RSKR: variants seen among roughly 807,000 people sequenced by gnomAD.
RSKR encodes ribosomal protein S6 kinase related.
RSKR carries 44 observed loss-of-function variants against 56.8 expected under a neutral mutation model. That is an observed-to-expected ratio of 0.77 (90% CI 0.61 to 1.00). The LOEUF (loss-of-function observed/expected upper bound fraction) is 1.00. Ranked by LOEUF, RSKR falls within the 50% of genes least tolerant of loss-of-function variation. The pLI is 0.00. For synonymous variants in RSKR, 181 were observed against 188.0 expected, an observed-to-expected ratio of 0.96 and a Z score of 0.30; for missense variants, 510 against 506.9, an observed-to-expected ratio of 1.01 and a Z score of -0.06.
In RSKR at chr17:28,613,625, T is replaced by C. The variant is rs1358880247; in HGVS notation, c.139A>G (p.Thr47Ala). 1 of 1,614,092 alleles carries C rather than the reference T, an allele frequency of 6.2e-7. No individual in the cohort carries two copies. The highest frequency in any genetic ancestry group is 1.3e-5 in the African/African-American group (1 of 75,002). ...AGTTCTTCCAGATCTGACCTGATGG[T>C]TCCCAAACCTGTCCAGAGGCTCTTC... ...GWKSLWTGLGTIRSDLEELWE... is the reference protein window; with the variant it reads ...GWKSLWTGLGAIRSDLEELWE... Residue 47 changes from threonine to alanine, a missense_variant, in exon 2 of 12, where the codon ACC (threonine) becomes GCC (alanine). By Grantham distance (58) the Thr-to-Ala change is moderately conservative (BLOSUM62 0). Transcript: ENST00000301037.
chr17:28,612,932 TA>T, intron 4 of RSKR, 145 bp downstream of exon 4: 2 of 899,946 alleles, frequency 2.2e-6, no homozygotes, highest in South Asian at 2.9e-5. Context: ...TGAGAGCTGA[TA>T]CTTTTCCCAG....
rs778548511 is a variant in RSKR at position 28,611,201 on chromosome 17, T to G, written c.953A>C (p.His318Pro). ...DHVAMLASVT[H>P]SDSEIPASLN... ...AGAAGCTGGGATCTCAGAGTCACTG[T>G]GGGTCACACTTGCCAACATGGCCAC... The change falls in exon 11 of 12, where the codon CAC becomes CCC. Residue 318 changes from histidine to proline, a missense_variant. His to Pro is a moderately conservative substitution (Grantham distance 77). Transcript: ENST00000301037. The G allele has an allele frequency of 7.2e-6, 11 of 1,536,304 alleles. No individual in the cohort carries two copies. In the South Asian group the frequency reaches 1.3e-4, roughly 18 times the overall value.
rs777971562 is a variant in RSKR, at chr17:28,611,842, CTCTT to C, written c.694-51_694-48del. 8 of 1,613,728 alleles carry C rather than the reference CTCTT, an allele frequency of 5.0e-6. No homozygotes were observed. The East Asian group carries it at 1.8e-4, about 36-fold the overall frequency. ...GTAATTCTTCCTCTTCCTTTCAACT[CTCTT>C]TCATCATGTATACACCCCAGCTGAA... is the stretch of plus-strand genomic sequence containing the variant. On this transcript the variant is annotated intron_variant, in intron 7 of 11. Coordinates refer to ENST00000301037, the MANE Select transcript of RSKR (RefSeq NM_001174103.2).
At chr17:28,610,818 G>C in intron 11 of RSKR, 119 bp from the exon 12 acceptor site, 8 of 989,744 alleles carry the variant, frequency 8.1e-6, no homozygotes, top group Non-Finnish European at 1.2e-5. Flanking sequence ...GAACCCTGAA[G>C]AGTAGATGAT....
rs979387007 is a variant in RSKR, at chr17:28,609,994, A to C, written c.*484T>G. ...CTTCAACCCAGGAGACGGAGGTTGC[A>C]GTGAGCTGAGAACGCACCACTGCAC... is the stretch of plus-strand genomic sequence containing the variant. On this transcript the variant is annotated 3_prime_UTR_variant, in exon 12 of 12. Transcript: ENST00000301037. The C allele has an allele frequency of 6.5e-6, 1 of 154,286 alleles. No homozygotes were observed. The highest frequency in any genetic ancestry group is 1.4e-5 in the Non-Finnish European group (1 of 69,628). The allele number at this position is 154,286 out of a possible 1,614,324, so 9.6% of individuals were successfully genotyped here.
rs533240800 is a variant in RSKR, at chr17:28,608,100, C to T, written c.*2378G>A. 6.6e-6 allele frequency: 1 copy of T among 152,044 alleles called. No individual in the cohort carries two copies. The highest frequency in any genetic ancestry group is 6.6e-5 in the Admixed American group (1 of 15,260). The allele number at this position is 152,044 out of a possible 1,614,324, so 9.4% of individuals were successfully genotyped here. A position where few individuals can be genotyped will look rare whatever the true frequency, so the allele number is the denominator to read the frequency against. Reference sequence around the variant, plus strand: ...GGAAAATAAAAGTAGAAAAGGAAGACAGAACCAAGAACATGACTAGCATAC... The same window carrying T: ...GGAAAATAAAAGTAGAAAAGGAAGATAGAACCAAGAACATGACTAGCATAC... On this transcript the variant is annotated 3_prime_UTR_variant, in exon 12 of 12. Coordinates refer to ENST00000301037, the MANE Select transcript of RSKR (RefSeq NM_001174103.2).
chr17:28,612,773 G>T (rs1410537252), intron 4 of RSKR, 86 bp from the exon 5 acceptor site: 12 of 1,300,258 alleles, frequency 9.2e-6, no homozygotes, highest in Non-Finnish European at 1.2e-5. Context: ...ACCCAGATGT[G>T]CAGAGGGGGA....
chr17:28,611,963 A>T, intron 7 of RSKR, 81 bp downstream of exon 7: 1 of 1,613,908 alleles, frequency 6.2e-7, no homozygotes, highest in South Asian at 1.1e-5. Flanking sequence ...TACAGTTCTC[A>T]GCTCCCTAAC....
intron 6 of RSKR, 74 bp downstream of exon 6, chr17:28,612,188 A>G (rs2070825347): frequency 6.3e-7 from 1 of 1,584,290 alleles, no homozygotes; most frequent in South Asian, 1.1e-5. Context: ...TCCATTATTA[A>G]TATTAATTTT....
In RSKR at chr17:28,612,054, C is replaced by T. The variant is rs148371262; in HGVS notation, c.683G>A (p.Arg228Gln). ...AGCACTTAACTCTACCTTCACATCT[C>T]GATGCATGATGCCCAAGTCATGGAG... is the stretch of plus-strand genomic sequence containing the variant. ...CYLHDLGIMH[R>Q]DVKMENILLD... Residue 228 changes from arginine to glutamine, a missense_variant, in exon 7 of 12, where the codon CGA (arginine) becomes CAA (glutamine). Transcript: ENST00000301037. 138 of 1,614,070 alleles carry T rather than the reference C, an allele frequency of 8.5e-5. 1 individual carries two copies. The highest frequency in any genetic ancestry group is 3.4e-4 in the South Asian group (31 of 91,082).
Position 28,610,718 on chromosome 17 carries a change from T to C in RSKR, c.1012-19A>G. 6.5e-7 allele frequency: 1 copy of C among 1,533,916 alleles called. No homozygotes were observed. Among genetic ancestry groups the C allele is most frequent in the Non-Finnish European group, 8.7e-7 (1 of 1,145,200 alleles). On this transcript the variant is annotated intron_variant, in intron 11 of 11. Coordinates refer to ENST00000301037, the MANE Select transcript of RSKR (RefSeq NM_001174103.2). ...ATAAGAGCTGAAGGAAAATAGAGCA[T>C]GAAGGATGAGTGACTAGGACAGGAC... is the stretch of plus-strand genomic sequence containing the variant.
In RSKR at chr17:28,613,157, A is replaced by G. The variant is rs893577794; in HGVS notation, c.409-11T>C. 2 of 1,613,696 alleles carry G rather than the reference A, an allele frequency of 1.2e-6. No individual in the cohort carries two copies. The highest frequency in any genetic ancestry group is 1.7e-5 in the Admixed American group (1 of 60,004). On this transcript the variant is annotated splice_polypyrimidine_tract_variant and intron_variant, in intron 3 of 11. Coordinates refer to ENST00000301037, the MANE Select transcript of RSKR (RefSeq NM_001174103.2). ...TACCTTGGGCACCACCTATAAAAGG[A>G]GAGTAGTGATGACTCATAGATAGTG...
intron 4 of RSKR, 54 bp from the exon 5 acceptor site, chr17:28,612,741 G>A: frequency 6.4e-7 from 1 of 1,571,848 alleles, no homozygotes; most frequent in East Asian, 2.2e-5. Flanking sequence ...TGAGAATAAA[G>A]GCAGCTGAGA....
At chr17:28,613,805 A>T in intron 1 of RSKR, 117 bp from the exon 2 acceptor site, 1 of 1,410,736 alleles carries the variant, frequency 7.1e-7, no homozygotes, top group South Asian at 1.4e-5. Flanking sequence ...ATTTTTGAGC[A>T]TGAGGCAAAA....
In RSKR at chr17:28,611,417, CA is replaced by C; in HGVS notation, c.875del (p.Leu292CysfsTer25). On this transcript the variant is annotated frameshift_variant, in exon 10 of 12. Transcript: ENST00000301037. LOFTEE classifies it high-confidence loss of function. ...CCTTTCCAGTCGCCAGAGAGAAAAG[CA>C]AGACACCCAGGGACCACCAATCAGC... ...HAADWWSLGV[L>X]LFSLATGKFP... 6.3e-7 allele frequency: 1 copy of C among 1,599,594 alleles called. No homozygotes were observed.
Position 28,613,666 on chromosome 17 carries a change from G to C in RSKR, c.98C>G (p.Pro33Arg). Residue 33 changes from proline to arginine, a missense_variant, in exon 2 of 12, where the codon CCC (proline) becomes CGC (arginine). Physicochemically the swap from Pro to Arg is moderately radical, Grantham distance 103. Transcript: ENST00000301037. ...GAGGCTCTTCCAGCCTCGGGCCCAG[G>C]GACCCCGGATGTTGCCACCCTGCTG... ...PHKQGGNIRG[P>R]WARGWKSLWT... 6.2e-7 allele frequency: 1 copy of C among 1,614,040 alleles called. No individual in the cohort carries two copies. Among genetic ancestry groups the C allele is most frequent in the Non-Finnish European group, 8.5e-7 (1 of 1,180,026 alleles).
chr17:28,614,017 A>C, intron 1 of RSKR, 70 bp downstream of exon 1: 2 of 1,575,010 alleles, frequency 1.3e-6, no homozygotes, highest in Non-Finnish European at 1.7e-6. Flanking sequence ...CCTAACCAGG[A>C]ACTTCCCAGG....
At chr17:28,613,013 G>A (rs763501806) in intron 4 of RSKR, 65 bp downstream of exon 4, 3 of 1,542,102 alleles carry the variant, frequency 1.9e-6, no homozygotes, top group African/African-American at 2.7e-5. Flanking sequence ...AGGTGGGCAA[G>A]AAAGGTACTT....
chr17:28,612,417 T>G, intron 5 of RSKR, 51 bp from the exon 6 acceptor site: 3 of 1,574,296 alleles, frequency 1.9e-6, no homozygotes, highest in Non-Finnish European at 2.6e-6. Context: ...TAGGCAATGT[T>G]TGGGAGCTGC....
Sources: allele counts gnomAD v4.1 joint callset, GRCh38; gene constraint gnomAD v4.1.1; transcripts MANE v1.5; gene names NCBI Gene and HGNC (gene_info 2026-07-23, HGNC 2026-07-21).